ZRSR2: variants seen among roughly 807,000 people sequenced by gnomAD.
ZRSR2 encodes the protein zinc finger CCCH-type, RNA binding motif and serine/arginine rich 2, also known as U2 small nuclear ribonucleoprotein auxiliary factor 35 kDa subunit-related protein 2.
In ZRSR2, 3 loss-of-function variants were observed where a neutral mutation model predicts 39.4. The observed-to-expected ratio is 0.08, with a 90% CI of 0.03 to 0.20. The LOEUF is 0.20. Among genes scored for constraint, ZRSR2 ranks in the 10% least tolerant of loss-of-function variants. The pLI is 1.00. For synonymous variants in ZRSR2, 137 were observed against 136.0 expected (o/e 1.01, Z -0.05); for missense variants, 256 against 391.5 (o/e 0.65, Z 2.92).
At chrX:15,822,438 G>A (rs746738919) in intron 10 of ZRSR2, among the ~76,000 whole-genome samples, 15 of 112,335 alleles carry the variant, frequency 1.3e-4, no homozygotes, top group African/African-American at 4.5e-4. Context: ...AGAAGATAAC[G>A]TGGTCACCAT....
intron 7 of ZRSR2, among the ~76,000 whole-genome samples, chrX:15,814,273 G>C (rs2147288069): frequency 9.0e-6 from 1 of 111,157 alleles, no homozygotes; most frequent in Admixed American, 9.6e-5. Context: ...GCTTAGCCTT[G>C]GTCCAGTTTA....
chrX:15,811,952 C>T (rs983702481), intron 7 of ZRSR2, among the ~76,000 whole-genome samples: 8 of 111,001 alleles, frequency 7.2e-5, no homozygotes, highest in Non-Finnish European at 1.5e-4. Flanking sequence ...TTTTTTGAGA[C>T]GGAGTCTCGC....
At chrX:15,811,430 C>T (rs1321325590) in intron 7 of ZRSR2, among the ~76,000 whole-genome samples, 1 of 109,774 alleles carries the variant, frequency 9.1e-6, no homozygotes, top group Non-Finnish European at 1.9e-5. Flanking sequence ...CTCACCCCCC[C>T]CCCTTTTTTT....
chrX:15,796,903 C>T (rs1932489771), intron 2 of ZRSR2, among the ~76,000 whole-genome samples: 1 of 105,056 alleles, frequency 9.5e-6, no homozygotes, highest in African/African-American at 3.5e-5. Flanking sequence ...AAGCAATTCT[C>T]CTGCCTCAGC....
At chrX:15,800,067 TAA>T in intron 3 of ZRSR2, 114 bp downstream of exon 3, 1 of 400,736 alleles carries the variant, frequency 2.5e-6, no homozygotes. Context: ...ATAGGTCTTA[TAA>T]AATATCCTGT....
intron 2 of ZRSR2, among the ~76,000 whole-genome samples, chrX:15,796,582 ATGTT>A (rs1424243531): frequency 1.1e-3 from 117 of 110,627 alleles, no homozygotes; most frequent in Non-Finnish European, 1.3e-3. Flanking sequence ...CTGCATATTT[ATGTT>A]TGTTTACATT....
chrX:15,819,916 C>T (rs762615909), intron 9 of ZRSR2, among the ~76,000 whole-genome samples: 2 of 111,768 alleles, frequency 1.8e-5, no homozygotes, highest in East Asian at 2.8e-4. Context: ...AAGAATAGGC[C>T]CTAATAATGG....
intron 3 of ZRSR2, 121 bp downstream of exon 3, chrX:15,800,074 TC>T (rs1932615607): frequency 2.6e-6 from 1 of 384,690 alleles, no homozygotes; most frequent in Non-Finnish European, 4.3e-6. Flanking sequence ...TTATAAAATA[TC>T]CTGTATAAAG....
At position 15,823,084 on chromosome X, in the gene ZRSR2, A is replaced by C. The variant is rs1874635133; in HGVS notation, c.1291A>C (p.Arg431=). The stretch of plus-strand genomic sequence containing the variant: ...CAGAGGAAGAAATAGGGACCGCAGC[A>C]GGGACCGCAGCCGGGGCCGGGGCAG... The part of the protein sequence containing the change: ...RSRGRNRDRS[R]DRSRGRGSRS... Residue 431 remains arginine (R), a synonymous_variant, in exon 11 of 11, where the codon AGG becomes CGG. Transcript: ENST00000307771. 3 of 1,209,148 alleles carry C rather than the reference A, an allele frequency of 2.5e-6. No homozygotes were observed. The highest frequency in any genetic ancestry group is 3.4e-6 in the Non-Finnish European group (3 of 894,021).
At chrX:15,801,292 G>T (rs778486569) in intron 3 of ZRSR2, 2 of 220,064 alleles carry the variant, frequency 9.1e-6, no homozygotes, top group Non-Finnish European at 1.8e-5. Flanking sequence ...GCAGTGGTGT[G>T]ATCTCCGCTC....
chrX:15,820,178 A>AC, intron 9 of ZRSR2, 29 bp from the exon 10 acceptor site: 2 of 1,130,405 alleles, frequency 1.8e-6, no homozygotes, highest in African/African-American at 3.6e-5. Flanking sequence ...AGTTACTGTA[A>AC]AGCATATCAT....
At chrX:15,814,997 C>T (rs1205084382) in intron 7 of ZRSR2, among the ~76,000 whole-genome samples, 1 of 112,029 alleles carries the variant, frequency 8.9e-6, no homozygotes. Context: ...TCAGCAGTCC[C>T]GCATGTGACA....
rs910509090 is a variant in ZRSR2 at position 15,803,426 on chromosome X, A to C, written c.204-262A>C. Among the ~76,000 whole-genome samples, 8 of 111,500 alleles carry C rather than the reference A, an allele frequency of 7.2e-5. No individual in the cohort carries two copies. The highest frequency in any genetic ancestry group is 2.9e-4 in the Admixed American group (3 of 10,476). On this transcript the variant is annotated intron_variant, in intron 3 of 10. Coordinates refer to ENST00000307771, the MANE Select transcript of ZRSR2 (RefSeq NM_005089.4). ...AAGTCATAGTGTCCTTTTTTCTGTA[A>C]AGTATGTCACAGCCATATATACCTA...
intron 7 of ZRSR2, among the ~76,000 whole-genome samples, chrX:15,811,182 A>G (rs1028205560): frequency 1.8e-5 from 2 of 111,798 alleles, no homozygotes; most frequent in African/African-American, 6.5e-5. Context: ...ACCATTTCTC[A>G]GATATCCACT....
chrX:15,796,290 G>A (rs186730721), intron 2 of ZRSR2, among the ~76,000 whole-genome samples: 1 of 112,194 alleles, frequency 8.9e-6, no homozygotes, highest in Admixed American at 9.5e-5. Flanking sequence ...CCATTTTGTA[G>A]TAAACACAGT....
intron 7 of ZRSR2, among the ~76,000 whole-genome samples, chrX:15,815,173 A>G (rs759780297): frequency 3.5e-5 from 4 of 112,984 alleles, no homozygotes; most frequent in African/African-American, 9.6e-5. Flanking sequence ...CCAAGTTTCA[A>G]CACTTAAAAA....
In ZRSR2 at chrX:15,790,549, C is replaced by T; in HGVS notation, c.41+13C>T. On this transcript the variant is annotated intron_variant, in intron 1 of 10. Coordinates refer to ENST00000307771, the MANE Select transcript of ZRSR2 (RefSeq NM_005089.4). ...CCGAGAAACCAAGGTAAGCGCCGTA[C>T]GGGGAGATGAGCAGGCGAGCGGGCC... is the stretch of plus-strand genomic sequence containing the variant. 2 of 1,158,630 alleles carry T rather than the reference C, an allele frequency of 1.7e-6. No homozygotes were observed. Among genetic ancestry groups the T allele is most frequent in the South Asian group, 3.9e-5 (2 of 51,631 alleles).
intron 10 of ZRSR2, among the ~76,000 whole-genome samples, chrX:15,822,417 G>T (rs1294560956): frequency 8.9e-6 from 1 of 112,361 alleles, no homozygotes; most frequent in Non-Finnish European, 1.9e-5. Flanking sequence ...CAGTGGGAAG[G>T]TGAAACCTGG....
intron 4 of ZRSR2, 41 bp downstream of exon 4, chrX:15,803,837 T>C: frequency 8.6e-7 from 1 of 1,164,800 alleles, no homozygotes; most frequent in East Asian, 3.2e-5. Context: ...AACTGATTAC[T>C]TCACCATAAT....
Sources: allele counts gnomAD v4.1 joint callset (sites outside exome capture counted in the v4.1 genomes callset), GRCh38; gene constraint gnomAD v4.1.1; transcripts MANE v1.5; gene names NCBI Gene and HGNC (gene_info 2026-07-23, HGNC 2026-07-21).